PLAC1: variants seen among roughly 807,000 people sequenced by gnomAD.
PLAC1 encodes the protein placenta associated 1, also known as placenta-specific protein 1.
For synonymous variants in PLAC1, 68 were observed against 62.1 expected (o/e 1.09, Z -0.44); for missense variants, 136 against 163.2 (o/e 0.83, Z 0.91).
chrX:134,652,562 C>T (rs754972060), intron 1 of PLAC1, among the ~76,000 whole-genome samples: 21 of 111,533 alleles, frequency 1.9e-4, no homozygotes, highest in Non-Finnish European at 1.9e-4. Context: ...CAGAAGTGGG[C>T]TTGGGTGAGG....
intron 2 of PLAC1, among the ~76,000 whole-genome samples, chrX:134,592,422 G>GT (rs2078042732): frequency 9.0e-6 from 1 of 111,425 alleles, no homozygotes; most frequent in African/African-American, 3.3e-5. Flanking sequence ...AGGGTATTTT[G>GT]TTTTTTAGAG....
chrX:134,646,575 T>A (rs1210146647), intron 1 of PLAC1, among the ~76,000 whole-genome samples: 1 of 112,514 alleles, frequency 8.9e-6, no homozygotes, highest in African/African-American at 3.2e-5. Context: ...AGCCACTGAA[T>A]GTTATTGGAT....
intron 2 of PLAC1, among the ~76,000 whole-genome samples, chrX:134,687,835 TATATATATATATATATATATATATA>T (rs1251764620): frequency 1.4e-5 from 1 of 69,727 alleles, no homozygotes; most frequent in African/African-American, 6.1e-5. Context: ...TATATATATA[TATATATATATATATATATATATATA>T]TATATATAGC....
chrX:134,588,770 G>A (rs545566912), intron 2 of PLAC1, among the ~76,000 whole-genome samples: 1 of 110,642 alleles, frequency 9.0e-6, no homozygotes, highest in South Asian at 3.9e-4. Flanking sequence ...TAGGGGCCCA[G>A]GGAGAAAAAT....
chrX:134,681,104 TA>T (rs2078494416), intron 2 of PLAC1, among the ~76,000 whole-genome samples: 1 of 111,509 alleles, frequency 9.0e-6, no homozygotes, highest in African/African-American at 3.3e-5. Flanking sequence ...TCTCAGGGCC[TA>T]AAATTGTAAT....
chrX:134,684,373 C>G (rs895952908), intron 2 of PLAC1, among the ~76,000 whole-genome samples: 6 of 102,995 alleles, frequency 5.8e-5, no homozygotes, highest in Non-Finnish European at 7.8e-5. Context: ...ATCTTACCAT[C>G]TCCTCAATAT....
At chrX:134,609,445 ATTGT>A (rs1424311392) in intron 1 of PLAC1, among the ~76,000 whole-genome samples, 1 of 112,044 alleles carries the variant, frequency 8.9e-6, no homozygotes. Flanking sequence ...GTACTCGGTA[ATTGT>A]TTGCGGATTT....
intron 1 of PLAC1, chrX:134,607,782 C>G (rs1164635537): frequency 9.0e-6 from 1 of 111,609 alleles, no homozygotes; most frequent in Non-Finnish European, 1.9e-5. Flanking sequence ...AAGAAGCAAA[C>G]AAGGTTGTGG....
At chrX:134,610,655 C>T (rs187661771) in intron 1 of PLAC1, among the ~76,000 whole-genome samples, 181 of 111,294 alleles carry the variant, frequency 1.6e-3, no homozygotes, top group African/African-American at 5.8e-3. Flanking sequence ...TCCCACAGCT[C>T]CAAAGCTGGT....
intron 2 of PLAC1, among the ~76,000 whole-genome samples, chrX:134,593,023 A>G (rs911278450): frequency 1.9e-5 from 2 of 107,587 alleles, no homozygotes; most frequent in African/African-American, 6.7e-5. Flanking sequence ...CACCGCGCCC[A>G]GCGCTGTGTC....
At chrX:134,613,783 C>A (rs1206964812) in intron 1 of PLAC1, among the ~76,000 whole-genome samples, 1 of 110,375 alleles carries the variant, frequency 9.1e-6, no homozygotes, top group Non-Finnish European at 1.9e-5. Flanking sequence ...AGACTCTGAT[C>A]ATTGATGGCT....
chrX:134,613,319 T>C (rs1415843574), intron 1 of PLAC1, among the ~76,000 whole-genome samples: 1 of 110,913 alleles, frequency 9.0e-6, no homozygotes, highest in Non-Finnish European at 1.9e-5. Context: ...CTGTGAAGGC[T>C]GAGAGAGCAT....
chrX:134,615,110 C>T (rs765532538), intron 1 of PLAC1, among the ~76,000 whole-genome samples: 2 of 112,159 alleles, frequency 1.8e-5, no homozygotes, highest in African/African-American at 6.5e-5. Flanking sequence ...AATTGATAGG[C>T]CATATGGTAA....
intron 2 of PLAC1, among the ~76,000 whole-genome samples, chrX:134,705,021 T>TATATATACACAC (rs1284412646): frequency 9.2e-5 from 9 of 98,311 alleles, no homozygotes; most frequent in African/African-American, 2.7e-4. Flanking sequence ...TATATATATA[T>TATATATACACAC]ACACACACAC....
intron 2 of PLAC1, among the ~76,000 whole-genome samples, chrX:134,727,485 C>T (rs1189657301): frequency 8.9e-6 from 1 of 112,207 alleles, no homozygotes; most frequent in African/African-American, 3.2e-5. Context: ...TCTTGCTTCT[C>T]TTAATGCCTG....
At chrX:134,575,291 C>T (rs766991435) in intron 2 of PLAC1, among the ~76,000 whole-genome samples, 2 of 110,962 alleles carry the variant, frequency 1.8e-5, no homozygotes, top group African/African-American at 6.5e-5. Flanking sequence ...TTCTATATAA[C>T]GAAGATTTGA....
At chrX:134,599,296 C>T (rs1284484206) in intron 2 of PLAC1, among the ~76,000 whole-genome samples, 1 of 111,217 alleles carries the variant, frequency 9.0e-6, no homozygotes, top group African/African-American at 3.3e-5. Flanking sequence ...TCATAATCTC[C>T]AAGTGTCGTG....
At chrX:134,590,762 C>T (rs748992369) in intron 2 of PLAC1, among the ~76,000 whole-genome samples, 1 of 110,603 alleles carries the variant, frequency 9.0e-6, no homozygotes, top group South Asian at 4.0e-4. Context: ...CAAGCCAGGA[C>T]GCCCAGCTAA....
intron 1 of PLAC1, among the ~76,000 whole-genome samples, chrX:134,750,690 C>T (rs1252517154): frequency 2.0e-5 from 2 of 100,089 alleles, no homozygotes; most frequent in African/African-American, 7.7e-5. Context: ...GACGCAGTGG[C>T]TCAAGCCTGT....
Sources: gnomAD v4.1 joint callset for allele counts (sites outside exome capture counted in the v4.1 genomes callset) on GRCh38, gnomAD v4.1.1 for gene constraint, MANE v1.5 for transcripts, NCBI Gene and HGNC (gene_info 2026-07-23, HGNC 2026-07-21) for gene names.